The following TICRR variants were observed in gnomAD, a reference collection of about 807,000 sequenced individuals.
The protein encoded by TICRR is treslin.
TICRR carries 132 observed loss-of-function variants against 178.1 expected under a neutral mutation model. The ratio of observed to expected loss-of-function variants is 0.74; its 90% CI spans 0.64 to 0.86. The LOEUF (loss-of-function observed/expected upper bound fraction) is 0.86. Ranked by LOEUF, TICRR falls within the 40% of genes least tolerant of loss-of-function variation. The pLI is 0.00. For missense variants in TICRR, 2,587 were observed against 2,334.3 expected, an observed-to-expected ratio of 1.11 and a Z score of -2.23; for synonymous variants, 991 against 900.7, an observed-to-expected ratio of 1.10 and a Z score of -1.79.
chr15:89,616,392 G>A lies in TICRR; in HGVS notation c.2870-13G>A, dbSNP rs1233700337. The A allele has an allele frequency of 1.2e-6, 2 of 1,611,162 alleles. No homozygotes were observed. Among genetic ancestry groups the A allele is most frequent in the South Asian group, 2.2e-5 (2 of 91,000 alleles). On this transcript the variant is annotated splice_polypyrimidine_tract_variant and intron_variant, in intron 15 of 21. Transcript: ENST00000268138. ...AAATGAAATTTATGATTTAAGCTGTGTTTACATTTTAGGTTATCACAAACT... is the reference window on the plus strand; with the variant it reads ...AAATGAAATTTATGATTTAAGCTGTATTTACATTTTAGGTTATCACAAACT...
chr15:89,598,374 T>TGTTA (rs967982265), intron 7 of TICRR, among the ~76,000 whole-genome samples: 3 of 152,036 alleles, frequency 2.0e-5, no homozygotes, highest in African/African-American at 7.2e-5. Flanking sequence ...TTTGTTTGTT[T>TGTTA]GTTTTGAGAC....
chr15:89,588,068 G>A (rs1043261973), intron 4 of TICRR, among the ~76,000 whole-genome samples: 2 of 152,168 alleles, frequency 1.3e-5, no homozygotes, highest in Non-Finnish European at 2.9e-5. Context: ...AGGCAAAAAT[G>A]TAAGGGCTGG....
chr15:89,605,851 T>TA (rs200952721), intron 13 of TICRR, among the ~76,000 whole-genome samples: 3,527 of 152,034 alleles, frequency 0.023, 67 homozygotes, highest in Non-Finnish European at 0.034. Flanking sequence ...AAAAAATCTT[T>TA]AAAAAAACAG....
At chr15:89,605,512 ACCACGC>A (rs1963161841) in intron 13 of TICRR, among the ~76,000 whole-genome samples, 1 of 152,078 alleles carries the variant, frequency 6.6e-6, no homozygotes, top group Non-Finnish European at 1.5e-5. Context: ...GGCGTGCACC[ACCACGC>A]CTGGCTACTT....
chr15:89,600,093 G>A (rs952378545), intron 8 of TICRR, among the ~76,000 whole-genome samples: 10 of 152,114 alleles, frequency 6.6e-5, no homozygotes, highest in Middle Eastern at 3.2e-3. Context: ...GCAACGGAGC[G>A]AGACTCCATC....
Position 89,577,669 on chromosome 15 carries a change from C to T in TICRR, c.654+1429C>T, listed in dbSNP as rs376715650. Among the ~76,000 whole-genome samples the T allele has an allele frequency of 3.5e-4, 41 of 116,428 alleles. 1 individual carries two copies. The East Asian group carries it at 5.9e-3, about 17-fold the overall frequency. 76.4% of individuals were successfully genotyped at this position (116,428 alleles called of 152,430 possible). On this transcript the variant is annotated intron_variant, in intron 1 of 21. Coordinates refer to ENST00000268138, the MANE Select transcript of TICRR (RefSeq NM_152259.4). ...TGTCACCCAGGCTGGAGTGCAGTGG[C>T]GTGATCTCGGCTCACTGCAACCTTC...
intron 4 of TICRR, among the ~76,000 whole-genome samples, chr15:89,591,230 TCTC>T (rs1186914637): frequency 1.3e-5 from 2 of 152,100 alleles, no homozygotes; most frequent in Non-Finnish European, 1.5e-5. Flanking sequence ...GGTTCAAGCT[TCTC>T]CTGCCTGAAC....
At chr15:89,609,350 C>T (rs1250131867) in intron 15 of TICRR, among the ~76,000 whole-genome samples, 4 of 151,750 alleles carry the variant, frequency 2.6e-5, no homozygotes, top group East Asian at 1.9e-4. Context: ...TGAGCTCAAG[C>T]GATCTGCCCT....
Position 89,623,990 on chromosome 15 carries a change from C to G in TICRR, c.3680C>G (p.Ala1227Gly), listed in dbSNP as rs1275010940. The G allele has an allele frequency of 6.2e-7, 1 of 1,613,966 alleles. No individual in the cohort carries two copies. Among genetic ancestry groups the G allele is most frequent in the Admixed American group, 1.7e-5 (1 of 60,006 alleles). The change falls in exon 20 of 22, where the codon GCC (alanine) becomes GGC (glycine). Residue 1227 changes from alanine (A) to glycine (G), a missense_variant. Transcript: ENST00000268138. ...AGTCCAGAAAGCCCCTCCTGTCCAG[C>G]CCCTCCAACTTCATCGACTGCCCAG... Reference protein sequence around the residue: ...NSSPESPSCPAPPTSSTAQPR... With the variant: ...NSSPESPSCPGPPTSSTAQPR...
At position 89,627,095 on chromosome 15, in the gene TICRR, A is replaced by G. The variant is rs1488694556; in HGVS notation, c.*9A>G. 1 of 1,613,696 alleles carries G rather than the reference A, an allele frequency of 6.2e-7. No homozygotes were observed. The highest frequency in any genetic ancestry group is 8.5e-7 in the Non-Finnish European group (1 of 1,180,016). On this transcript the variant is annotated 3_prime_UTR_variant, in exon 22 of 22. Transcript: ENST00000268138. The stretch of plus-strand genomic sequence containing the variant: ...GGCTGGAGGACTTATAGCCACAAAC[A>G]TTACTGAGCCCAAAAGATCAAGGAG...
chr15:89,581,895 CCTCGGTTTGTCTCGT>C (rs1962732701), intron 1 of TICRR, among the ~76,000 whole-genome samples: 1 of 152,122 alleles, frequency 6.6e-6, no homozygotes, highest in Non-Finnish European at 1.5e-5. Context: ...TGCCACGAGG[CCTCGGTTTGTCTCGT>C]CTCTGCACAG....
At chr15:89,580,735 A>G (rs1234255383) in intron 1 of TICRR, among the ~76,000 whole-genome samples, 2 of 152,204 alleles carry the variant, frequency 1.3e-5, no homozygotes, top group Non-Finnish European at 2.9e-5. Context: ...CATGATCCGA[A>G]TTTTAAAAGC....
At chr15:89,622,459 T>A (rs1258640657) in intron 19 of TICRR, among the ~76,000 whole-genome samples, 1 of 152,218 alleles carries the variant, frequency 6.6e-6, no homozygotes, top group African/African-American at 2.4e-5. Context: ...AATGTTCACT[T>A]TGCTTAAAGC....
rs760986526 is a variant in TICRR, at chr15:89,600,605, A to G, written c.2073A>G (p.Val691=). Residue 691 remains valine, a synonymous_variant, in exon 9 of 22, where the codon GTA becomes GTG. Transcript: ENST00000268138. The part of the protein sequence containing the change: ...KELEVNCLNQ[V]KSSLLKTSKS... ...TTTAGGTGAACTGCCTGAATCAAGT[A>G]AAAAGTAGTCTCTTAAAAACTAGTA... The G allele has an allele frequency of 6.3e-7, 1 of 1,581,500 alleles. No homozygotes were observed. Among genetic ancestry groups the G allele is most frequent in the Non-Finnish European group, 8.6e-7 (1 of 1,161,854 alleles).
chr15:89,616,582 T>C (rs2141976733), intron 16 of TICRR, 87 bp downstream of exon 16: 1 of 1,007,632 alleles, frequency 9.9e-7, no homozygotes, highest in Non-Finnish European at 1.5e-6. Context: ...TCTCTTGACC[T>C]TCATGACTTA....
In TICRR at chr15:89,601,071, AG is replaced by A. The variant is rs1204702477; in HGVS notation, c.2154-226del. 5.3e-5 allele frequency among the ~76,000 whole-genome samples: 8 copies of A among 151,342 alleles called. No homozygotes were observed. In the East Asian group the frequency reaches 1.4e-3, roughly 26 times the overall value. On this transcript the variant is annotated intron_variant, in intron 9 of 21. Coordinates refer to ENST00000268138, the MANE Select transcript of TICRR (RefSeq NM_152259.4). ...AGGAAAAAAAAAAAAAAAAAAAAAA[AG>A]ATTACCAACTGCATGAAGATGCTTT...
intron 12 of TICRR, 79 bp downstream of exon 12, chr15:89,602,055 C>T (rs1963107927): frequency 2.4e-5 from 37 of 1,526,090 alleles, no homozygotes; most frequent in Middle Eastern, 1.7e-4. Flanking sequence ...ACAGTCCAGT[C>T]ATCTTTGTCC....
Position 89,584,312 on chromosome 15 carries a change from A to T in TICRR, c.961A>T (p.Thr321Ser), listed in dbSNP as rs761842255. 1 of 1,612,574 alleles carries T rather than the reference A, an allele frequency of 6.2e-7. No homozygotes were observed. The highest frequency in any genetic ancestry group is 8.5e-7 in the Non-Finnish European group (1 of 1,179,210). ...EAGKEIQETW[T>S]VTLEPLAMHQ... ...AGGCAAAGAGATTCAAGAAACATGG[A>T]CAGTCACCCTAGAGCCCTTGGCCAT... Residue 321 changes from threonine (T) to serine (S), a missense_variant, in exon 3 of 22, where the codon ACA becomes TCA. Coordinates refer to ENST00000268138, the MANE Select transcript of TICRR (RefSeq NM_152259.4).
rs1264461150 is a variant in TICRR at position 89,624,702 on chromosome 15, C to T, written c.4392C>T (p.Val1464=). The T allele has an allele frequency of 3.1e-6, 5 of 1,614,158 alleles. No homozygotes were observed. The highest frequency in any genetic ancestry group is 1.1e-5 in the South Asian group (1 of 91,088). The change falls in exon 20 of 22, where the codon GTC becomes GTT. Residue 1464 remains valine (V), a synonymous_variant. Transcript: ENST00000268138. ...TCATTACAAGTGACACAGAGCATGT[C>T]ACTCTCCTCAGTGAAGCCGAACACC... ...PLLITSDTEH[V]TLLSEAEHHG... is the part of the protein sequence containing the mutation.
Sources: gnomAD v4.1 joint callset for allele counts (sites outside exome capture counted in the v4.1 genomes callset) on GRCh38, gnomAD v4.1.1 for gene constraint, MANE v1.5 for transcripts, NCBI Gene and HGNC (gene_info 2026-07-23, HGNC 2026-07-21) for gene names.